Variants in CACNA2D1 observed in about 807,000 individuals in gnomAD.
CACNA2D1 encodes the protein voltage-dependent calcium channel subunit alpha-2/delta-1.
A neutral mutation model predicts 171.5 loss-of-function variants in CACNA2D1; 53 were observed. The ratio of observed to expected loss-of-function variants is 0.31; its 90% CI spans 0.25 to 0.39. The LOEUF (loss-of-function observed/expected upper bound fraction) is 0.39, where lower values mean the gene tolerates loss of function less well. Among genes scored for constraint, CACNA2D1 ranks in the 10% least tolerant of loss-of-function variants. CACNA2D1 has a pLI of 1.00. For missense variants in CACNA2D1, 903 were observed against 1,299.8 expected (o/e 0.69, Z 4.69); for synonymous variants, 442 against 443.1 (o/e 1.00, Z 0.03).
At chr7:82,377,754 T>C (rs1226202475) in intron 1 of CACNA2D1, among the ~76,000 whole-genome samples, 1 of 152,144 alleles carries the variant, frequency 6.6e-6, no homozygotes, top group Non-Finnish European at 1.5e-5. Flanking sequence ...CTCTTCCTGG[T>C]CCAAAGAATT....
intron 4 of CACNA2D1, among the ~76,000 whole-genome samples, chr7:82,146,268 G>T (rs574761954): frequency 6.6e-6 from 1 of 150,898 alleles, no homozygotes; most frequent in Non-Finnish European, 1.5e-5. Flanking sequence ...CATTCATGAC[G>T]TTCACTAAAA....
chr7:82,098,699 C>T (rs1812235096), intron 6 of CACNA2D1, among the ~76,000 whole-genome samples: 1 of 152,118 alleles, frequency 6.6e-6, no homozygotes, highest in Non-Finnish European at 1.5e-5. Context: ...TATAAAGATA[C>T]TTCAAATTGC....
At chr7:82,067,329 T>C (rs915371261) in intron 7 of CACNA2D1, among the ~76,000 whole-genome samples, 5 of 152,176 alleles carry the variant, frequency 3.3e-5, no homozygotes, top group African/African-American at 1.2e-4. Flanking sequence ...CTTGGACATG[T>C]TTAAACATAT....
At position 82,127,387 on chromosome 7, in the gene CACNA2D1, G is replaced by A. The variant is rs549708936; in HGVS notation, c.396+9248C>T. Among the ~76,000 whole-genome samples the A allele has an allele frequency of 5.9e-5, 9 of 152,108 alleles. No individual in the cohort carries two copies. In the South Asian group the frequency reaches 8.3e-4, roughly 14 times the overall value. ...AAATTAACATTTTCATTTCCACCACGCTTACAATATAGCACCACTTTAAAA... is the reference window on the plus strand; with the variant it reads ...AAATTAACATTTTCATTTCCACCACACTTACAATATAGCACCACTTTAAAA... On this transcript the variant is annotated intron_variant, in intron 5 of 38. Transcript: ENST00000356860.
At chr7:82,053,011 C>T (rs1429296440) in intron 10 of CACNA2D1, among the ~76,000 whole-genome samples, 3 of 152,006 alleles carry the variant, frequency 2.0e-5, no homozygotes, top group Non-Finnish European at 4.4e-5. Flanking sequence ...CCAGCACATT[C>T]GGAGGCAGAG....
intron 3 of CACNA2D1, among the ~76,000 whole-genome samples, chr7:82,187,938 A>G (rs1467726549): frequency 6.6e-6 from 1 of 152,202 alleles, no homozygotes; most frequent in Non-Finnish European, 1.5e-5. Flanking sequence ...TATCCAAGAA[A>G]GAGATGTTGT....
chr7:82,392,800 C>G (rs535469190), intron 1 of CACNA2D1, among the ~76,000 whole-genome samples: 165 of 152,176 alleles, frequency 1.1e-3, no homozygotes, highest in Non-Finnish European at 1.8e-3. Context: ...CATATCAATA[C>G]AACAATTCCA....
chr7:82,225,278 T>G (rs1349880994), intron 3 of CACNA2D1, among the ~76,000 whole-genome samples: 2 of 152,186 alleles, frequency 1.3e-5, no homozygotes, highest in African/African-American at 4.8e-5. Flanking sequence ...ACTAGGTTGA[T>G]TGCCCTGACA....
chr7:81,965,529 T>C (rs1239837253), intron 32 of CACNA2D1, 65 bp downstream of exon 32: 1 of 853,888 alleles, frequency 1.2e-6, no homozygotes, highest in East Asian at 2.4e-5. Context: ...TGAAAGAGGT[T>C]TTGTAATGTT....
intron 20 of CACNA2D1, among the ~76,000 whole-genome samples, chr7:81,991,904 G>A (rs765540486): frequency 1.3e-4 from 20 of 150,262 alleles, no homozygotes; most frequent in South Asian, 4.3e-4. Context: ...GTGTGATCTC[G>A]GCTCACTGCA....
intron 32 of CACNA2D1, among the ~76,000 whole-genome samples, chr7:81,964,619 C>A (rs921565851): frequency 6.6e-6 from 1 of 151,868 alleles, no homozygotes; most frequent in African/African-American, 2.4e-5. Flanking sequence ...AGCATTAAAT[C>A]ACAATCAAAT....
At chr7:82,170,471 A>G (rs1795897255) in intron 4 of CACNA2D1, 79 bp downstream of exon 4, 1 of 971,414 alleles carries the variant, frequency 1.0e-6, no homozygotes, top group Non-Finnish European at 1.7e-6. Flanking sequence ...CATCATTAAA[A>G]TATATTTTAA....
intron 15 of CACNA2D1, 109 bp from the exon 16 acceptor site, chr7:82,007,865 G>C (rs1799294573): frequency 1.4e-6 from 1 of 693,528 alleles, no homozygotes; most frequent in Non-Finnish European, 2.6e-6. Flanking sequence ...ACTTTATAAA[G>C]AGCCACAAAA....
intron 24 of CACNA2D1, among the ~76,000 whole-genome samples, chr7:81,976,505 G>C (rs1584257227): frequency 6.6e-6 from 1 of 152,136 alleles, no homozygotes; most frequent in Non-Finnish European, 1.5e-5. Context: ...TCTGTTTGTA[G>C]CAATTGTGAA....
At chr7:82,392,353 T>C (rs4732457) in intron 1 of CACNA2D1, among the ~76,000 whole-genome samples, 1,800 of 152,294 alleles carry the variant, frequency 0.012, 64 homozygotes, top group East Asian at 0.071. Context: ...CATGTCCCCT[T>C]TCTGCTGATA....
At chr7:82,033,269 G>T (rs1802929936) in intron 11 of CACNA2D1, among the ~76,000 whole-genome samples, 1 of 151,328 alleles carries the variant, frequency 6.6e-6, no homozygotes, top group African/African-American at 2.4e-5. Context: ...TTTATTGTTG[G>T]TATCCCCCAA....
rs537677931 is a variant in CACNA2D1, at chr7:82,248,382, C to T, written c.295-77773G>A. On this transcript the variant is annotated intron_variant, in intron 3 of 38. Transcript: ENST00000356860. ...CTGAGAAGAGAGGACAGCTCTTTAA[C>T]CCACACAGAAACTACACCCAGGGGT... Among the ~76,000 whole-genome samples the T allele has an allele frequency of 6.6e-5, 10 of 152,184 alleles. No individual in the cohort carries two copies. The South Asian group carries it at 2.1e-3, about 32-fold the overall frequency.
intron 3 of CACNA2D1, among the ~76,000 whole-genome samples, chr7:82,242,736 AT>A (rs1239701187): frequency 1.3e-5 from 2 of 152,134 alleles, no homozygotes; most frequent in East Asian, 3.9e-4. Flanking sequence ...CACTGCATTG[AT>A]TTTTTTCTTG....
intron 1 of CACNA2D1, among the ~76,000 whole-genome samples, chr7:82,441,065 TCA>T (rs1219441443): frequency 6.6e-6 from 1 of 152,012 alleles, no homozygotes; most frequent in Non-Finnish European, 1.5e-5. Context: ...GTCTTTGCAC[TCA>T]GTTTTTATAA....
Sources: allele counts gnomAD v4.1 joint callset (sites outside exome capture counted in the v4.1 genomes callset), GRCh38; gene constraint gnomAD v4.1.1; transcripts MANE v1.5; gene names NCBI Gene and HGNC (gene_info 2026-07-23, HGNC 2026-07-21).